Variants in CDH4 observed in about 807,000 individuals in gnomAD.
CDH4 encodes the protein cadherin-4.
A neutral mutation model predicts 86.0 loss-of-function variants in CDH4; 33 were observed. The ratio of observed to expected loss-of-function variants is 0.38; its 90% CI spans 0.29 to 0.51. The LOEUF is 0.51. Ranked by LOEUF, CDH4 falls within the 20% of genes least tolerant of loss-of-function variation. The pLI is 0.86. For missense variants in CDH4, 1,114 were observed against 1,307.4 expected, an observed-to-expected ratio of 0.85 and a Z score of 2.28; for synonymous variants, 555 against 549.4, an observed-to-expected ratio of 1.01 and a Z score of -0.14.
At chr20:61,361,219 G>A (rs943901135) in intron 2 of CDH4, among the ~76,000 whole-genome samples, 18 of 152,244 alleles carry the variant, frequency 1.2e-4, no homozygotes, top group East Asian at 1.9e-4. Context: ...GGGCCCTCCC[G>A]TTGCTCTGGA....
intron 2 of CDH4, among the ~76,000 whole-genome samples, chr20:61,365,343 A>G (rs2084805618): frequency 6.6e-6 from 1 of 152,218 alleles, no homozygotes; most frequent in Admixed American, 6.5e-5. Flanking sequence ...TTGTGTTTGC[A>G]GATGTCTGTT....
rs2085619186 is a variant in CDH4, at chr20:61,490,372, C to A, written c.169+235435C>A. 3.3e-5 allele frequency among the ~76,000 whole-genome samples: 5 copies of A among 152,190 alleles called. No individual in the cohort carries two copies. The South Asian group carries it at 1.0e-3, about 31-fold the overall frequency. On this transcript the variant is annotated intron_variant, in intron 2 of 15. Coordinates refer to ENST00000614565, the MANE Select transcript of CDH4 (RefSeq NM_001794.5). ...AGCAGTGCAAGTCCACTTATAGGCA[C>A]CTCTGGAAGAAGCCAAACTAATTGG... is the stretch of plus-strand genomic sequence containing the variant.
In CDH4 at chr20:61,902,182, C is replaced by T. The variant is rs564765927; in HGVS notation, c.1188+7135C>T. On this transcript the variant is annotated intron_variant, in intron 8 of 15. Transcript: ENST00000614565. The surrounding 1 kb of genome is among the most constrained non-coding windows in gnomAD (Gnocchi z 4.6). The stretch of plus-strand genomic sequence containing the variant: ...TCGTGAAAGGCGGGTCCTCGGCAGG[C>T]GTGGAGGCATCGTGGATGGCCGTTT... 1.3e-5 allele frequency among the ~76,000 whole-genome samples: 2 copies of T among 152,292 alleles called. No individual in the cohort carries two copies. Among genetic ancestry groups the T allele is most frequent in the Admixed American group, 6.5e-5 (1 of 15,300 alleles).
chr20:61,735,188 A>G (rs1367550598), intron 2 of CDH4, among the ~76,000 whole-genome samples: 6 of 152,138 alleles, frequency 3.9e-5, no homozygotes, highest in Admixed American at 3.9e-4. Flanking sequence ...GAGACTCAGG[A>G]TGCGGTTGGG....
At chr20:61,617,285 C>A (rs184084743) in intron 2 of CDH4, among the ~76,000 whole-genome samples, 2 of 152,184 alleles carry the variant, frequency 1.3e-5, no homozygotes, top group South Asian at 4.1e-4. Flanking sequence ...CCACTCTATC[C>A]GCAGATGTGT....
rs1226102980 is a variant in CDH4 at position 61,518,949 on chromosome 20, CTATCCATCCATTATT to C, written c.170-224602_170-224588del. ...CCTCATTCATCCATCATTCATTCAT[CTATCCATCCATTATT>C]TATCCATCCATCCATCCTTCATCCA... On this transcript the variant is annotated intron_variant, in intron 2 of 15. Transcript: ENST00000614565. The surrounding 1 kb of genome is among the most constrained non-coding windows in gnomAD (Gnocchi z 6.3). 6.6e-6 allele frequency among the ~76,000 whole-genome samples: 1 copy of C among 152,076 alleles called. No individual in the cohort carries two copies. Among genetic ancestry groups the C allele is most frequent in the Non-Finnish European group, 1.5e-5 (1 of 68,016 alleles).
At chr20:61,888,120 G>A (rs932459966) in intron 7 of CDH4, among the ~76,000 whole-genome samples, 2 of 152,220 alleles carry the variant, frequency 1.3e-5, no homozygotes, top group East Asian at 1.9e-4. Flanking sequence ...ACCTGATTCC[G>A]TTTCCTGGGG....
At chr20:61,346,216 C>A (rs927803797) in intron 2 of CDH4, among the ~76,000 whole-genome samples, 1 of 152,094 alleles carries the variant, frequency 6.6e-6, no homozygotes, top group Non-Finnish European at 1.5e-5. Flanking sequence ...GAAGAGGGAA[C>A]AGCAGAGGCA....
Position 61,518,530 on chromosome 20 carries a change from C to T in CDH4, c.170-225033C>T, listed in dbSNP as rs2085842413. The stretch of plus-strand genomic sequence containing the variant: ...TCCATCCGTCCATCTATCATCCATC[C>T]ATCTATCCATCATTCATCCATCATC... On this transcript the variant is annotated intron_variant, in intron 2 of 15. Transcript: ENST00000614565. This position sits in a 1 kb window ranked among gnomAD's most constrained non-coding sequence, Gnocchi z 6.3. Among the ~76,000 whole-genome samples, 1 of 151,902 alleles carries T rather than the reference C, an allele frequency of 6.6e-6. No homozygotes were observed. Among genetic ancestry groups the T allele is most frequent in the Middle Eastern group, 3.2e-3 (1 of 316 alleles).
At position 61,802,391 on chromosome 20, in the gene CDH4, C is replaced by T. The variant is rs575583377; in HGVS notation, c.576+29209C>T. 1.3e-4 allele frequency among the ~76,000 whole-genome samples: 20 copies of T among 152,326 alleles called. No homozygotes were observed. The East Asian group carries it at 3.3e-3, about 25-fold the overall frequency. On this transcript the variant is annotated intron_variant, in intron 4 of 15. Coordinates refer to ENST00000614565, the MANE Select transcript of CDH4 (RefSeq NM_001794.5). ...CCCTGCTGTGTGTAGCCGAGAACCTCGTGGGGGTCAGTTGTGCCTGAGAAA... is the reference window on the plus strand; with the variant it reads ...CCCTGCTGTGTGTAGCCGAGAACCTTGTGGGGGTCAGTTGTGCCTGAGAAA...
chr20:61,532,283 C>T (rs896698730), intron 2 of CDH4, among the ~76,000 whole-genome samples: 3 of 152,216 alleles, frequency 2.0e-5, no homozygotes, highest in Non-Finnish European at 2.9e-5. Flanking sequence ...GGGACTGCAC[C>T]TAAACTAAGT....
chr20:61,625,121 C>T (rs199658030), intron 2 of CDH4, among the ~76,000 whole-genome samples: 9 of 152,162 alleles, frequency 5.9e-5, no homozygotes, highest in African/African-American at 1.4e-4. Flanking sequence ...TCTAATAGGA[C>T]GTGTAAGAAT....
intron 2 of CDH4, among the ~76,000 whole-genome samples, chr20:61,607,649 T>A (rs1403961162): frequency 1.3e-5 from 2 of 152,206 alleles, no homozygotes; most frequent in Non-Finnish European, 2.9e-5. Context: ...TGAAGAGGAA[T>A]CAGCATCATC....
intron 2 of CDH4, among the ~76,000 whole-genome samples, chr20:61,601,449 T>C (rs2086599982): frequency 6.6e-6 from 1 of 152,132 alleles, no homozygotes; most frequent in Admixed American, 6.5e-5. Flanking sequence ...CCCTCACCTG[T>C]GCCCTCCCTG....
At chr20:61,792,128 G>T (rs1018589875) in intron 4 of CDH4, among the ~76,000 whole-genome samples, 7 of 152,156 alleles carry the variant, frequency 4.6e-5, no homozygotes, top group Non-Finnish European at 1.0e-4. Context: ...GCCTGGGCTA[G>T]GACAGTAGAG....
chr20:61,634,632 C>T (rs1001951216), intron 2 of CDH4, among the ~76,000 whole-genome samples: 1 of 152,232 alleles, frequency 6.6e-6, no homozygotes, highest in Non-Finnish European at 1.5e-5. Flanking sequence ...CGCCCCAGCC[C>T]GTTGCTGGGA....
intron 2 of CDH4, among the ~76,000 whole-genome samples, chr20:61,683,301 T>C (rs1373488787): frequency 6.6e-6 from 1 of 152,216 alleles, no homozygotes; most frequent in Non-Finnish European, 1.5e-5. Context: ...GGCATTAAGA[T>C]GGCAGAGAAA....
intron 2 of CDH4, among the ~76,000 whole-genome samples, chr20:61,731,093 G>T (rs867932385): frequency 6.6e-6 from 1 of 152,010 alleles, no homozygotes; most frequent in East Asian, 1.9e-4. Context: ...GATCTGCACC[G>T]GGAGATGTCC....
At chr20:61,559,509 A>ATTTTT (rs1347282522) in intron 2 of CDH4, among the ~76,000 whole-genome samples, 41 of 107,728 alleles carry the variant, frequency 3.8e-4, no homozygotes, top group African/African-American at 8.3e-4. Context: ...TTTCTTTTTA[A>ATTTTT]TTTTTTTTTC....
Sources: gnomAD v4.1 joint callset for allele counts (sites outside exome capture counted in the v4.1 genomes callset) on GRCh38, gnomAD v4.1.1 for gene constraint, Gnocchi (gnomAD v3.1) non-coding constraint, MANE v1.5 for transcripts, NCBI Gene and HGNC (gene_info 2026-07-23, HGNC 2026-07-21) for gene names.